Variants in CSTF1 observed in about 807,000 individuals in gnomAD.
CSTF1 encodes the protein CF-1 50 kDa subunit.
CSTF1 carries 2 observed loss-of-function variants against 40.9 expected under a neutral mutation model. That is an observed-to-expected ratio of 0.05 (90% CI 0.02 to 0.15). CSTF1 has a LOEUF of 0.15. Among genes scored for constraint, CSTF1 ranks in the 10% least tolerant of loss-of-function variants. CSTF1 has a pLI of 1.00. For missense variants in CSTF1, 279 were observed against 558.9 expected (o/e 0.50, Z 5.05); for synonymous variants, 218 against 207.2 (o/e 1.05, Z -0.45).
chr20:56,403,793 G>A lies in CSTF1; in HGVS notation c.*66G>A. The A allele has an allele frequency of 6.6e-7, 1 of 1,508,674 alleles. No individual in the cohort carries two copies. Among genetic ancestry groups the A allele is most frequent in the Non-Finnish European group, 9.1e-7 (1 of 1,104,732 alleles). The allele number at this position is 1,508,674 out of a possible 1,614,324, so 93.5% of individuals were successfully genotyped here. ...TCCTCCCCCACGTCCTGTCTCAGCT[G>A]CAGTCGTAAGTCCGTGCACCATCCT... On this transcript the variant is annotated 3_prime_UTR_variant, in exon 6 of 6. Transcript: ENST00000217109.
At position 56,402,383 on chromosome 20, in the gene CSTF1, A is replaced by G. The variant is rs139788433; in HGVS notation, c.1037-1085A>G. 3.1e-3 allele frequency among the ~76,000 whole-genome samples: 472 copies of G among 152,096 alleles called. 6 individuals are homozygous for G. Among genetic ancestry groups the G allele is most frequent in the African/African-American group, 0.011 (455 of 41,514 alleles). On this transcript the variant is annotated intron_variant, in intron 5 of 5. Coordinates refer to ENST00000217109, the MANE Select transcript of CSTF1 (RefSeq NM_001324.3). ...ATTTCGAAAGAGTATTCACCAAAGT[A>G]TTGACTGTTACCTCTGATGGGTGCA...
At position 56,397,256 on chromosome 20, in the gene CSTF1, T is replaced by C. The variant is rs1987543979; in HGVS notation, c.219T>C (p.Asp73=). The C allele has an allele frequency of 1.2e-6, 2 of 1,614,112 alleles. No homozygotes were observed. Among genetic ancestry groups the C allele is most frequent in the Non-Finnish European group, 1.7e-6 (2 of 1,180,032 alleles). ...TTCAGTATGCAATTGGTCGTTCAGA[T>C]ACTGTTGCCCCTGGCACAGGGATTG... ...TAVQYAIGRS[D]TVAPGTGIDL... The change falls in exon 3 of 6, where the codon GAT becomes GAC. Residue 73 remains aspartate (D), a synonymous_variant. Transcript: ENST00000217109. The surrounding 1 kb of genome is among the most constrained non-coding windows in gnomAD (Gnocchi z 4.4).
intron 4 of CSTF1, 114 bp from the exon 5 acceptor site, chr20:56,398,853 A>G: frequency 1.0e-6 from 1 of 995,558 alleles, no homozygotes; most frequent in Non-Finnish European, 1.5e-6. Context: ...ATACCTGTGT[A>G]ATATCTAATA....
At position 56,397,975 on chromosome 20, in the gene CSTF1, C is replaced by A; in HGVS notation, c.645+134C>A. ...ACAGACCAGGATGCATGCCCGATGG[C>A]ACATGGATCAGATTTTGTTGGCACA... is the stretch of plus-strand genomic sequence containing the variant. On this transcript the variant is annotated intron_variant, in intron 4 of 5. Transcript: ENST00000217109. The surrounding 1 kb of genome is among the most constrained non-coding windows in gnomAD (Gnocchi z 4.4). 1 of 690,312 alleles carries A rather than the reference C, an allele frequency of 1.4e-6. No individual in the cohort carries two copies. The highest frequency in any genetic ancestry group is 2.4e-6 in the Non-Finnish European group (1 of 415,356). The allele number at this position is 690,312 out of a possible 1,614,324, so 42.8% of individuals were successfully genotyped here.
At position 56,395,659 on chromosome 20, in the gene CSTF1, A is replaced by T. The variant is rs200536017; in HGVS notation, c.107A>T (p.Asn36Ile). 1 of 1,614,208 alleles carries T rather than the reference A, an allele frequency of 6.2e-7. No homozygotes were observed. Among genetic ancestry groups the T allele is most frequent in the East Asian group, 2.2e-5 (1 of 44,892 alleles). The change falls in exon 2 of 6, where the codon AAT (asparagine) becomes ATT (isoleucine). Residue 36 changes from asparagine (N) to isoleucine (I), a missense_variant. By Grantham distance (149) the Asn-to-Ile change is moderately radical. This residue lies in a region of CSTF1 where 51 missense variants were observed against 55.0 expected (regional missense o/e 0.93). Transcript: ENST00000217109. Reference sequence around the variant, plus strand: ...ATCAGCATCGCCAATGGCCTCATCAATGAAATCAAGCCTCAGTCTGTGTGT... The same window carrying T: ...ATCAGCATCGCCAATGGCCTCATCATTGAAATCAAGCCTCAGTCTGTGTGT... ...GYISIANGLI[N>I]EIKPQSVCAP...
chr20:56,397,636 T>C lies in CSTF1; in HGVS notation c.448-8T>C, dbSNP rs1475804619. Reference sequence around the variant, plus strand: ...CTGTGCCTTGAGCATCTCTTCTTGTTGGTCTAGGTCATGATGAATGAGACC... The same window carrying C: ...CTGTGCCTTGAGCATCTCTTCTTGTCGGTCTAGGTCATGATGAATGAGACC... On this transcript the variant is annotated splice_polypyrimidine_tract_variant and splice_region_variant and intron_variant, in intron 3 of 5. Coordinates refer to ENST00000217109, the MANE Select transcript of CSTF1 (RefSeq NM_001324.3). The surrounding 1 kb of genome is among the most constrained non-coding windows in gnomAD (Gnocchi z 4.4). 1 of 1,613,902 alleles carries C rather than the reference T, an allele frequency of 6.2e-7. No homozygotes were observed. The highest frequency in any genetic ancestry group is 2.2e-5 in the East Asian group (1 of 44,886).
At chr20:56,394,447 TGTG>T (rs1306981099) in intron 1 of CSTF1, among the ~76,000 whole-genome samples, 2 of 152,190 alleles carry the variant, frequency 1.3e-5, no homozygotes, top group East Asian at 3.9e-4. Flanking sequence ...ATTAGCCTGG[TGTG>T]GTGGCGGGCG....
chr20:56,396,206 A>C (rs367544256), intron 2 of CSTF1, among the ~76,000 whole-genome samples: 2 of 152,190 alleles, frequency 1.3e-5, no homozygotes, highest in East Asian at 3.8e-4. Flanking sequence ...AAAGACTACA[A>C]GTTGAGTAAG....
chr20:56,396,563 C>T (rs943496565), intron 2 of CSTF1, among the ~76,000 whole-genome samples: 1 of 151,962 alleles, frequency 6.6e-6, no homozygotes, highest in Non-Finnish European at 1.5e-5. Context: ...ATAAAACAGC[C>T]GTGCACGGGG....
rs1310383592 is a variant in CSTF1, at chr20:56,403,497, C to T, written c.1066C>T (p.Arg356Trp). ...GGGTTTAAGTGGACGCCAGGTGCAC[C>T]GGACACAGGCTGTGTTTAACCACAC... ...GAGLSGRQVH[R>W]TQAVFNHTED... The change falls in exon 6 of 6, where the codon CGG (arginine) becomes TGG (tryptophan). Residue 356 changes from arginine to tryptophan, a missense_variant. This residue lies in a region of CSTF1 where 162 missense variants were observed against 337.1 expected (regional missense o/e 0.48). Transcript: ENST00000217109. 5 of 1,614,028 alleles carry T rather than the reference C, an allele frequency of 3.1e-6. No individual in the cohort carries two copies. Among genetic ancestry groups the T allele is most frequent in the African/African-American group, 1.3e-5 (1 of 74,992 alleles).
chr20:56,400,818 A>G (rs992025181), intron 5 of CSTF1, among the ~76,000 whole-genome samples: 2 of 152,190 alleles, frequency 1.3e-5, no homozygotes, highest in African/African-American at 4.8e-5. Context: ...AGGTGGGCAG[A>G]TCACAAGGTC....
At chr20:56,401,415 A>G (rs1423517199) in intron 5 of CSTF1, among the ~76,000 whole-genome samples, 2 of 152,356 alleles carry the variant, frequency 1.3e-5, no homozygotes, top group Non-Finnish European at 2.9e-5. Context: ...TTAAAGATTT[A>G]TATTATCTAC....
In CSTF1 at chr20:56,399,608, T is replaced by A. The variant is rs2146246267; in HGVS notation, c.1036+251T>A. On this transcript the variant is annotated intron_variant, in intron 5 of 5. Coordinates refer to ENST00000217109, the MANE Select transcript of CSTF1 (RefSeq NM_001324.3). This position sits in a 1 kb window ranked among gnomAD's most constrained non-coding sequence, Gnocchi z 4.6. ...CACCGTGGACTAGGGCTGGATTCCA[T>A]GCAAGTAACATTTGAGAACCTGGTG... Among the ~76,000 whole-genome samples, 1 of 152,344 alleles carries A rather than the reference T, an allele frequency of 6.6e-6. No individual in the cohort carries two copies. The highest frequency in any genetic ancestry group is 1.5e-5 in the Non-Finnish European group (1 of 68,044).
chr20:56,397,021 G>A lies in CSTF1; in HGVS notation c.170-186G>A. ...TTCCAGCAACCCATGTGGCCTCACAGCGTGGTGAACTTTGAATAGCATGGG... is the reference window on the plus strand; with the variant it reads ...TTCCAGCAACCCATGTGGCCTCACAACGTGGTGAACTTTGAATAGCATGGG... On this transcript the variant is annotated intron_variant, in intron 2 of 5. Coordinates refer to ENST00000217109, the MANE Select transcript of CSTF1 (RefSeq NM_001324.3). This position sits in a 1 kb window ranked among gnomAD's most constrained non-coding sequence, Gnocchi z 4.4. The A allele has an allele frequency of 3.3e-6, 2 of 614,214 alleles. No homozygotes were observed. Among genetic ancestry groups the A allele is most frequent in the Non-Finnish European group, 5.6e-6 (2 of 360,298 alleles). The allele number at this position is 614,214 out of a possible 1,614,324, so 38.0% of individuals were successfully genotyped here.
At position 56,406,194 on chromosome 20, in the gene CSTF1, T is replaced by G. The variant is rs1371889472; in HGVS notation, c.*2467T>G. ...AGGTCACAGTGTTGTGAGCCTGGTG[T>G]AAATGCCAGGAATATTATATGGACT... On this transcript the variant is annotated 3_prime_UTR_variant, in exon 6 of 6. Transcript: ENST00000217109. 1 of 152,196 alleles carries G rather than the reference T, an allele frequency of 6.6e-6. No individual in the cohort carries two copies. Among genetic ancestry groups the G allele is most frequent in the Non-Finnish European group, 1.5e-5 (1 of 68,038 alleles). The allele number at this position is 152,196 out of a possible 1,614,324, so 9.4% of individuals were successfully genotyped here.
intron 5 of CSTF1, among the ~76,000 whole-genome samples, chr20:56,400,462 T>C (rs1302223420): frequency 6.6e-6 from 1 of 152,182 alleles, no homozygotes; most frequent in Non-Finnish European, 1.5e-5. Context: ...GTGAAAGTAC[T>C]CCCCCTATAG....
chr20:56,403,190 A>G (rs750472093), intron 5 of CSTF1, among the ~76,000 whole-genome samples: 19 of 149,166 alleles, frequency 1.3e-4, no homozygotes, highest in Non-Finnish European at 2.7e-4. Flanking sequence ...TTTTTTCCTG[A>G]TGCAGTCTTG....
intron 5 of CSTF1, among the ~76,000 whole-genome samples, chr20:56,402,793 G>A (rs1035986445): frequency 7.0e-6 from 1 of 143,478 alleles, no homozygotes; most frequent in African/African-American, 3.0e-5. Context: ...AAATTGGCTG[G>A]GTGTGGTGGT....
chr20:56,401,806 T>C lies in CSTF1; in HGVS notation c.1037-1662T>C, dbSNP rs548943422. 3.3e-5 allele frequency among the ~76,000 whole-genome samples: 5 copies of C among 152,254 alleles called. No individual in the cohort carries two copies. In the East Asian group the frequency reaches 5.8e-4, roughly 18 times the overall value. On this transcript the variant is annotated intron_variant, in intron 5 of 5. Transcript: ENST00000217109. The stretch of plus-strand genomic sequence containing the variant: ...TCTTAATCCTCACAGCCTTATGGGG[T>C]AGGTTCTGTAACTACTCCATGGAAC...
Sources: allele counts gnomAD v4.1 joint callset (sites outside exome capture counted in the v4.1 genomes callset), GRCh38; gene constraint gnomAD v4.1.1; regional missense constraint gnomAD v4.1.1; non-coding constraint Gnocchi (gnomAD v3.1); transcripts MANE v1.5; gene names NCBI Gene and HGNC (gene_info 2026-07-23, HGNC 2026-07-21).